The following LIMCH1 variants were observed in gnomAD, a reference collection of about 807,000 sequenced individuals.
The protein encoded by LIMCH1 is LIM and calponin homology domains-containing protein 1.
A neutral mutation model predicts 176.5 loss-of-function variants in LIMCH1; 113 were observed. The observed-to-expected ratio is 0.64, with a 90% CI of 0.55 to 0.75. The LOEUF (loss-of-function observed/expected upper bound fraction) is 0.75. LIMCH1 is among the 30% of genes least tolerant of loss of function. LIMCH1 has a pLI of 0.00. For missense variants in LIMCH1, 1,674 were observed against 1,814.9 expected (o/e 0.92, Z 1.41); for synonymous variants, 619 against 645.9 (o/e 0.96, Z 0.63).
chr4:41,457,113 C>G (rs1031970647), intron 1 of LIMCH1, among the ~76,000 whole-genome samples: 1 of 152,158 alleles, frequency 6.6e-6, no homozygotes, highest in South Asian at 2.1e-4. Flanking sequence ...TGCACGTGTG[C>G]TCTCTACAGT....
At chr4:41,379,365 G>T (rs1214725841) in intron 1 of LIMCH1, among the ~76,000 whole-genome samples, 4 of 152,178 alleles carry the variant, frequency 2.6e-5, no homozygotes, top group Admixed American at 6.5e-5. Context: ...TAACATGGCA[G>T]CTGACTTCCC....
chr4:41,671,369 A>T (rs1242751498), intron 21 of LIMCH1, among the ~76,000 whole-genome samples, 185 bp from the exon 22 acceptor site: 1 of 148,176 alleles, frequency 6.7e-6, no homozygotes, highest in East Asian at 2.0e-4. Flanking sequence ...CTGCTTTATT[A>T]TGATTTTCTA....
intron 1 of LIMCH1, among the ~76,000 whole-genome samples, chr4:41,371,148 G>T (rs1331936915): frequency 1.3e-5 from 2 of 152,188 alleles, no homozygotes; most frequent in Non-Finnish European, 2.9e-5. Context: ...ATGGTCCCAA[G>T]TAACTACCTA....
chr4:41,496,401 CAA>C (rs775563966), intron 2 of LIMCH1, among the ~76,000 whole-genome samples: 5 of 152,160 alleles, frequency 3.3e-5, no homozygotes, highest in Non-Finnish European at 5.9e-5. Context: ...GCAGGCCCAG[CAA>C]AGAGTTTGCT....
At chr4:41,503,148 T>A (rs2073669902) in intron 2 of LIMCH1, among the ~76,000 whole-genome samples, 1 of 152,212 alleles carries the variant, frequency 6.6e-6, no homozygotes, top group Non-Finnish European at 1.5e-5. Context: ...TATATTTTAC[T>A]AGCTTTGCAA....
intron 2 of LIMCH1, among the ~76,000 whole-genome samples, chr4:41,521,627 T>C (rs547097790): frequency 6.6e-6 from 1 of 151,872 alleles, no homozygotes; most frequent in African/African-American, 2.4e-5. Context: ...GTGAATTCAA[T>C]GTTATCTTTT....
intron 1 of LIMCH1, among the ~76,000 whole-genome samples, chr4:41,463,183 C>T (rs1156905717): frequency 6.7e-6 from 1 of 149,428 alleles, no homozygotes; most frequent in Non-Finnish European, 1.5e-5. Context: ...AAAAAAAAAA[C>T]TCTGAAGTTC....
intron 1 of LIMCH1, among the ~76,000 whole-genome samples, chr4:41,572,343 G>C (rs932571175): frequency 6.6e-6 from 1 of 152,046 alleles, no homozygotes; most frequent in African/African-American, 2.4e-5. Context: ...ATTGGATTTA[G>C]GGGAATTACC....
chr4:41,467,532 A>T (rs574386080), intron 1 of LIMCH1, among the ~76,000 whole-genome samples: 107 of 152,292 alleles, frequency 7.0e-4, no homozygotes, highest in Non-Finnish European at 1.2e-3. Context: ...AAACCATCAG[A>T]TCTCGTGAGA....
At position 41,391,763 on chromosome 4, in the gene LIMCH1, T is replaced by C. The variant is rs558441002; in HGVS notation, c.96+30827T>C. On this transcript the variant is annotated intron_variant, in intron 1 of 26. Transcript: ENST00000313860. Reference sequence around the variant, plus strand: ...AAAGCAAGCAAAGACTGAGAAGCTATCACAGATTGATGGAGACTAAGGGGT... The same window carrying C: ...AAAGCAAGCAAAGACTGAGAAGCTACCACAGATTGATGGAGACTAAGGGGT... Among the ~76,000 whole-genome samples, 5 of 152,258 alleles carry C rather than the reference T, an allele frequency of 3.3e-5. No homozygotes were observed. In the East Asian group the frequency reaches 7.7e-4, roughly 23 times the overall value.
intron 18 of LIMCH1, among the ~76,000 whole-genome samples, chr4:41,651,348 T>C (rs190819247): frequency 8.5e-5 from 13 of 152,224 alleles, no homozygotes; most frequent in Non-Finnish European, 1.6e-4. Context: ...ACTGAGTAGG[T>C]CCACCCTTCT....
chr4:41,567,729 T>C (rs1170233643), intron 1 of LIMCH1, among the ~76,000 whole-genome samples: 1 of 152,236 alleles, frequency 6.6e-6, no homozygotes, highest in African/African-American at 2.4e-5. Flanking sequence ...CAGGTCTTTT[T>C]GTGTTTATCT....
intron 28 of LIMCH1, among the ~76,000 whole-genome samples, chr4:41,687,493 A>C (rs920005765): frequency 5.3e-5 from 8 of 152,104 alleles, no homozygotes; most frequent in Non-Finnish European, 1.2e-4. Context: ...TAGCATGCCA[A>C]AGCAGTTTGG....
intron 1 of LIMCH1, among the ~76,000 whole-genome samples, chr4:41,486,242 C>A (rs893527244): frequency 6.6e-6 from 1 of 152,152 alleles, no homozygotes; most frequent in Non-Finnish European, 1.5e-5. Flanking sequence ...CTAAGCTTCC[C>A]GTTCTCCTAA....
intron 1 of LIMCH1, among the ~76,000 whole-genome samples, chr4:41,384,514 G>T (rs558600482): frequency 1.6e-4 from 24 of 152,018 alleles, no homozygotes; most frequent in Admixed American, 5.9e-4. Context: ...GGCCTACATC[G>T]TGCTTTCTTG....
chr4:41,684,534 A>G lies in LIMCH1; in HGVS notation c.3967+16A>G, dbSNP rs1718984324. 1 of 1,611,000 alleles carries G rather than the reference A, an allele frequency of 6.2e-7. No homozygotes were observed. The highest frequency in any genetic ancestry group is 1.3e-5 in the African/African-American group (1 of 74,812). ...CTTGCTCAGGGTAAGAATGGAGAAG[A>G]CCAGTTTCATTCAATGTTTAAATTG... is the stretch of plus-strand genomic sequence containing the variant. On this transcript the variant is annotated intron_variant, in intron 27 of 31. Coordinates refer to ENST00000503057, the MANE Select transcript of LIMCH1 (RefSeq NM_001330672.2).
intron 1 of LIMCH1, among the ~76,000 whole-genome samples, chr4:41,593,508 T>C (rs2088065711): frequency 6.6e-6 from 1 of 152,182 alleles, no homozygotes; most frequent in Non-Finnish European, 1.5e-5. Flanking sequence ...TGGAATAGAT[T>C]TTTACCAATG....
intron 1 of LIMCH1, among the ~76,000 whole-genome samples, chr4:41,419,123 GTTTTATTTTATTTTA>G (rs148393298): frequency 0.01 from 1,488 of 146,900 alleles, 21 homozygotes; most frequent in African/African-American, 0.026. Context: ...ACTACGTTTT[GTTTTATTTTATTTTA>G]TTTTATTTTA....
chr4:41,658,314 A>C (rs1446525864), intron 18 of LIMCH1, among the ~76,000 whole-genome samples: 1 of 152,200 alleles, frequency 6.6e-6, no homozygotes, highest in Non-Finnish European at 1.5e-5. Flanking sequence ...TGCTACTATC[A>C]AGTTACCGTA....
Sources: allele counts gnomAD v4.1 joint callset (sites outside exome capture counted in the v4.1 genomes callset), GRCh38; gene constraint gnomAD v4.1.1; transcripts MANE v1.5; gene names NCBI Gene and HGNC (gene_info 2026-07-23, HGNC 2026-07-21).